The following ARHGAP39 variants were observed in gnomAD, a reference collection of about 807,000 sequenced individuals.
ARHGAP39 encodes Rho GTPase activating protein 39.
A neutral mutation model predicts 106.9 loss-of-function variants in ARHGAP39; 44 were observed. The observed-to-expected ratio is 0.41, with a 90% CI of 0.32 to 0.53. ARHGAP39 has a LOEUF of 0.53. ARHGAP39 is among the 20% of genes least tolerant of loss of function. The pLI is 0.21. For synonymous variants in ARHGAP39, 768 were observed against 693.2 expected (o/e 1.11, Z -1.69); for missense variants, 1,496 against 1,577.3 (o/e 0.95, Z 0.87).
At chr8:144,649,274 C>T (rs369472684) in intron 1 of ARHGAP39, among the ~76,000 whole-genome samples, 1 of 151,494 alleles carries the variant, frequency 6.6e-6, no homozygotes, top group South Asian at 2.1e-4. Context: ...AACCCCATCT[C>T]TACTAAAAAT....
upstream of ARHGAP39, among the ~76,000 whole-genome samples, chr8:144,689,426 CTTTTTTT>C (rs71320837): frequency 3.0e-5 from 2 of 67,604 alleles, no homozygotes; most frequent in East Asian, 5.1e-4. Context: ...TCTTAACCAT[CTTTTTTT>C]TTTTTTTTTT....
rs873883 is a variant in ARHGAP39 at position 144,531,052 on chromosome 8, G to C, written c.2981-181C>G. Among the ~76,000 whole-genome samples, 183 of 151,870 alleles carry C rather than the reference G, an allele frequency of 1.2e-3. 5 individuals are homozygous for C. The highest frequency in any genetic ancestry group is 4.1e-3 in the African/African-American group (168 of 41,236). On this transcript the variant is annotated intron_variant, in intron 10 of 11. Coordinates refer to ENST00000377307, the MANE Select transcript of ARHGAP39 (RefSeq NM_025251.3). ...GACCCCAGAGGGCCTTTCGGCTCCT[G>C]GGGGCCTGAACTCGATCCTGGAGGC... is the stretch of plus-strand genomic sequence containing the variant.
At chr8:144,677,962 G>T (rs1004428226) in intron 1 of ARHGAP39, among the ~76,000 whole-genome samples, 1 of 152,216 alleles carries the variant, frequency 6.6e-6, no homozygotes, top group Non-Finnish European at 1.5e-5. Context: ...GGCCCAGGAA[G>T]ATGGAAGCAG....
intron 1 of ARHGAP39, among the ~76,000 whole-genome samples, chr8:144,673,252 C>G (rs1307775968): frequency 6.6e-6 from 1 of 151,328 alleles, no homozygotes; most frequent in Non-Finnish European, 1.5e-5. Context: ...AGAAACTGAT[C>G]AGGGACTCAT....
intron 6 of ARHGAP39, among the ~76,000 whole-genome samples, chr8:144,538,993 C>T (rs1279919807): frequency 1.3e-5 from 2 of 151,874 alleles, no homozygotes; most frequent in Non-Finnish European, 2.9e-5. Flanking sequence ...CTGTGACAGG[C>T]GTCACCCCCA....
Position 144,581,279 on chromosome 8 carries a change from T to C in ARHGAP39, c.81-2A>G. The C allele has an allele frequency of 1.3e-6, 2 of 1,541,996 alleles. No individual in the cohort carries two copies. The highest frequency in any genetic ancestry group is 8.8e-7 in the Non-Finnish European group (1 of 1,142,320). On this transcript the variant is annotated splice_acceptor_variant, in intron 2 of 11. Transcript: ENST00000377307. LOFTEE classifies it high-confidence loss of function. ...TCGATGATCTCCACCCACTCCAACC[T>C]GGGGAGAGACAGGGTTAAGGCGGCT...
chr8:144,682,548 CAAAA>C (rs1041779842), intron 1 of ARHGAP39, among the ~76,000 whole-genome samples: 26 of 70,182 alleles, frequency 3.7e-4, no homozygotes, highest in East Asian at 2.0e-3. Context: ...GACTCTGTCT[CAAAA>C]AAAAAAAAAA....
At chr8:144,697,491 T>C in the ARHGAP39 span, among the ~76,000 whole-genome samples, 1 of 152,138 alleles carries the variant, frequency 6.6e-6, no homozygotes, top group Non-Finnish European at 1.5e-5. Flanking sequence ...TTATTTAGCA[T>C]ATGTGGATGG....
At chr8:144,640,697 A>G (rs1821289528) in intron 1 of ARHGAP39, among the ~76,000 whole-genome samples, 1 of 152,258 alleles carries the variant, frequency 6.6e-6, no homozygotes, top group South Asian at 2.1e-4. Context: ...GCAGTAAAGA[A>G]GTGTTTTCCC....
intron 1 of ARHGAP39, among the ~76,000 whole-genome samples, chr8:144,681,180 C>CT (rs2129765585): frequency 6.6e-6 from 1 of 152,224 alleles, no homozygotes; most frequent in Non-Finnish European, 1.5e-5. Flanking sequence ...GGGAACAAGT[C>CT]TAAGTGGCAG....
chr8:144,559,354 CAAAAAAA>C (rs59435627), intron 3 of ARHGAP39, among the ~76,000 whole-genome samples: 36 of 42,928 alleles, frequency 8.4e-4, no homozygotes, highest in Admixed American at 4.8e-3. Context: ...ACTTTGTCTC[CAAAAAAA>C]AAAAAAAAAA....
intron 1 of ARHGAP39, among the ~76,000 whole-genome samples, chr8:144,681,764 A>C (rs937510833): frequency 3.9e-5 from 6 of 152,224 alleles, no homozygotes; most frequent in African/African-American, 1.2e-4. Flanking sequence ...TAAACATTAA[A>C]TATTCTCACT....
the ARHGAP39 span, among the ~76,000 whole-genome samples, chr8:144,692,837 A>G: frequency 7.8e-6 from 1 of 128,294 alleles, no homozygotes; most frequent in Non-Finnish European, 1.5e-5. Flanking sequence ...TCGGCTCACC[A>G]CATCCTCTGC....
At position 144,547,621 on chromosome 8, in the gene ARHGAP39, G is replaced by A. The variant is rs1817500133; in HGVS notation, c.1465C>T (p.Pro489Ser). The change falls in exon 5 of 12, where the codon CCG becomes TCG. Residue 489 changes from proline (P) to serine (S), a missense_variant. Physicochemically the swap from Pro to Ser is moderately conservative, Grantham distance 74. Transcript: ENST00000377307. The surrounding 1 kb of genome is among the most constrained non-coding windows in gnomAD (Gnocchi z 5.2). Reference protein sequence around the residue: ...QDTLSSTGYSPGTRKRKSRKP... With the variant: ...QDTLSSTGYSSGTRKRKSRKP... ...CTGCTCTTCCGCTTGCGCGTGCCCG[G>A]GGAGTAGCCTGTGGAGGACAGGGTG... 2 of 1,503,276 alleles carry A rather than the reference G, an allele frequency of 1.3e-6. No homozygotes were observed. The highest frequency in any genetic ancestry group is 2.8e-5 in the African/African-American group (2 of 72,532). 93.1% of individuals were successfully genotyped at this position (1,503,276 alleles called of 1,614,324 possible). A position where few individuals can be genotyped will look rare whatever the true frequency, so the allele number is the denominator to read the frequency against.
At chr8:144,666,960 C>T (rs1043063107) in intron 1 of ARHGAP39, among the ~76,000 whole-genome samples, 2 of 152,152 alleles carry the variant, frequency 1.3e-5, no homozygotes, top group Admixed American at 6.5e-5. Context: ...TCCCTTTGAA[C>T]CTTTGTAAAC....
chr8:144,688,454 C>T (rs779632987), upstream of ARHGAP39, among the ~76,000 whole-genome samples: 4 of 152,194 alleles, frequency 2.6e-5, no homozygotes, highest in Non-Finnish European at 5.9e-5. Context: ...AAAGTCCCCA[C>T]TAATGGAGGG....
intron 3 of ARHGAP39, among the ~76,000 whole-genome samples, chr8:144,574,495 C>A (rs1232544012): frequency 5.3e-5 from 8 of 152,068 alleles, no homozygotes; most frequent in Non-Finnish European, 1.2e-4. Flanking sequence ...ACGGTGCAAC[C>A]CCATCTCTAC....
At chr8:144,574,878 T>G (rs1818716588) in intron 3 of ARHGAP39, among the ~76,000 whole-genome samples, 1 of 152,160 alleles carries the variant, frequency 6.6e-6, no homozygotes, top group Non-Finnish European at 1.5e-5. Context: ...ATAACACAGA[T>G]GTGTTCTGAG....
chr8:144,615,910 C>G (rs1310379278), intron 1 of ARHGAP39, among the ~76,000 whole-genome samples: 2 of 152,234 alleles, frequency 1.3e-5, no homozygotes, highest in African/African-American at 4.8e-5. Flanking sequence ...GCCGCCTGCT[C>G]CAGGACAGGC....
Sources: gnomAD v4.1 joint callset for allele counts (sites outside exome capture counted in the v4.1 genomes callset) on GRCh38, gnomAD v4.1.1 for gene constraint, Gnocchi (gnomAD v3.1) non-coding constraint, MANE v1.5 for transcripts, NCBI Gene and HGNC (gene_info 2026-07-23, HGNC 2026-07-21) for gene names.